ERC2: variants seen among roughly 807,000 people sequenced by gnomAD.
ERC2 encodes ELKS/RAB6-interacting/CAST family member 2.
ERC2 carries 42 observed loss-of-function variants against 114.8 expected under a neutral mutation model. That is an observed-to-expected ratio of 0.37 (90% confidence interval 0.29 to 0.47). The LOEUF (loss-of-function observed/expected upper bound fraction) is 0.47. Ranked by LOEUF, ERC2 falls within the 20% of genes least tolerant of loss-of-function variation. The pLI, the probability that ERC2 is intolerant of heterozygous loss-of-function variation, is 0.99. For missense variants in ERC2, 939 were observed against 1,150.7 expected (o/e 0.82, Z 2.66); for synonymous variants, 454 against 425.5 (o/e 1.07, Z -0.82).
intron 7 of ERC2, among the ~76,000 whole-genome samples, chr3:56,044,056 C>T (rs868748953): frequency 1.3e-5 from 2 of 152,146 alleles, no homozygotes; most frequent in African/African-American, 4.8e-5. Flanking sequence ...CTTTACAATT[C>T]GGCTGAAAAC....
At chr3:55,833,550 A>T (rs2060720863) in intron 14 of ERC2, among the ~76,000 whole-genome samples, 1 of 152,214 alleles carries the variant, frequency 6.6e-6, no homozygotes, top group Non-Finnish European at 1.5e-5. Context: ...TTTACAGACA[A>T]GCAAATGCTG....
rs140132718 is a variant in ERC2 at position 55,639,927 on chromosome 3, C to T, written c.*39+43867G>A. 2.3e-3 allele frequency among the ~76,000 whole-genome samples: 352 copies of T among 152,206 alleles called. 2 individuals carry two copies. Among genetic ancestry groups the T allele is most frequent in the African/African-American group, 8.3e-3 (344 of 41,540 alleles). On this transcript the variant is annotated intron_variant, in intron 17 of 17. Coordinates refer to ENST00000288221, the MANE Select transcript of ERC2 (RefSeq NM_015576.3). ...CAAGGCTGAGGGAGAAGAGGTGGTGCGACACTCAAAGTCTCACCGTTGCCT... is the reference window on the plus strand; with the variant it reads ...CAAGGCTGAGGGAGAAGAGGTGGTGTGACACTCAAAGTCTCACCGTTGCCT...
intron 2 of ERC2, among the ~76,000 whole-genome samples, chr3:56,373,334 G>C (rs1386765044): frequency 6.6e-6 from 1 of 152,164 alleles, no homozygotes; most frequent in African/African-American, 2.4e-5. Flanking sequence ...GAAGAAGTAG[G>C]TTCAGTAACT....
chr3:55,794,097 C>G (rs988547814), intron 14 of ERC2, among the ~76,000 whole-genome samples: 1 of 152,148 alleles, frequency 6.6e-6, no homozygotes, highest in African/African-American at 2.4e-5. Context: ...TGTTATGGCA[C>G]CCTCTTTTAT....
At chr3:56,358,774 G>C (rs2058838504) in intron 2 of ERC2, among the ~76,000 whole-genome samples, 1 of 152,244 alleles carries the variant, frequency 6.6e-6, no homozygotes, top group Non-Finnish European at 1.5e-5. Context: ...AATGGTGCTT[G>C]CCTCATGAGC....
chr3:56,007,397 T>C, intron 9 of ERC2, 76 bp from the exon 10 acceptor site: 6 of 1,299,998 alleles, frequency 4.6e-6, no homozygotes, highest in Non-Finnish European at 4.3e-6. Flanking sequence ...ACACATTGAT[T>C]CTATACATAG....
intron 17 of ERC2, among the ~76,000 whole-genome samples, chr3:55,631,258 C>G (rs951531519): frequency 3.3e-5 from 5 of 151,968 alleles, no homozygotes; most frequent in Non-Finnish European, 7.4e-5. Flanking sequence ...GTACCAGGGA[C>G]ACAATGGGCT....
Position 56,090,728 on chromosome 3 carries a change from C to T in ERC2, c.1474-9744G>A, listed in dbSNP as rs116386389. 4.8e-3 allele frequency among the ~76,000 whole-genome samples: 715 copies of T among 149,782 alleles called. 5 individuals are homozygous for T. Among genetic ancestry groups the T allele is most frequent in the African/African-American group, 0.016 (668 of 40,618 alleles). On this transcript the variant is annotated intron_variant, in intron 6 of 17. Transcript: ENST00000288221. ...GGTGAGGTTTGGGTCTTCTAGAGTA[C>T]GCATCACCCAAATAGTGAACATTGT...
intron 2 of ERC2, among the ~76,000 whole-genome samples, chr3:56,425,416 C>T (rs2061530029): frequency 6.6e-6 from 1 of 152,160 alleles, no homozygotes; most frequent in African/African-American, 2.4e-5. Flanking sequence ...CAGAGGCAGA[C>T]ATTGAGAACC....
chr3:55,925,904 T>C (rs2065720756), intron 13 of ERC2, among the ~76,000 whole-genome samples: 1 of 152,192 alleles, frequency 6.6e-6, no homozygotes, highest in Non-Finnish European at 1.5e-5. Flanking sequence ...ATCACATGTG[T>C]GTCTGTGTGT....
At chr3:55,795,292 T>C (rs2070383179) in intron 14 of ERC2, among the ~76,000 whole-genome samples, 1 of 152,222 alleles carries the variant, frequency 6.6e-6, no homozygotes, top group African/African-American at 2.4e-5. Context: ...CCCCTGTCAG[T>C]TGGAATTTAG....
At chr3:56,431,736 G>A (rs1469087651) in intron 2 of ERC2, among the ~76,000 whole-genome samples, 1 of 152,048 alleles carries the variant, frequency 6.6e-6, no homozygotes, top group Non-Finnish European at 1.5e-5. Context: ...ACATCATATT[G>A]CAAGTAAATT....
At chr3:55,675,113 G>A (rs188315253) in intron 17 of ERC2, among the ~76,000 whole-genome samples, 48 of 152,276 alleles carry the variant, frequency 3.2e-4, no homozygotes, top group African/African-American at 8.9e-4. Context: ...TTGAACACAC[G>A]AGCACCTTAG....
chr3:55,784,448 G>A (rs555892512), intron 14 of ERC2, among the ~76,000 whole-genome samples: 2 of 152,182 alleles, frequency 1.3e-5, no homozygotes, highest in African/African-American at 4.8e-5. Flanking sequence ...AAAAAAGGCT[G>A]CCTAGTGAGG....
At chr3:56,140,253 G>C (rs2080773732) in intron 5 of ERC2, among the ~76,000 whole-genome samples, 1 of 152,030 alleles carries the variant, frequency 6.6e-6, no homozygotes, top group Admixed American at 6.6e-5. Context: ...AAGATCACTA[G>C]AATTACCCAT....
intron 3 of ERC2, among the ~76,000 whole-genome samples, chr3:56,278,007 C>T (rs965579590): frequency 2.3e-4 from 35 of 152,128 alleles, no homozygotes; most frequent in Non-Finnish European, 3.8e-4. Context: ...CCTGTGACTC[C>T]ATTGCTTCAT....
chr3:55,938,897 T>G (rs1386699649), intron 13 of ERC2, among the ~76,000 whole-genome samples: 1 of 152,222 alleles, frequency 6.6e-6, no homozygotes, highest in African/African-American at 2.4e-5. Context: ...ATTTTATATT[T>G]TAAACCTGGA....
intron 17 of ERC2, among the ~76,000 whole-genome samples, chr3:55,640,591 A>T (rs1222748249): frequency 1.3e-5 from 2 of 152,238 alleles, no homozygotes; most frequent in Non-Finnish European, 2.9e-5. Context: ...GAACCAGTCC[A>T]TGATAAGGTT....
chr3:55,819,061 C>T (rs776160521), intron 14 of ERC2, among the ~76,000 whole-genome samples: 3 of 152,134 alleles, frequency 2.0e-5, no homozygotes, highest in Non-Finnish European at 2.9e-5. Flanking sequence ...CTTAATGGTC[C>T]TTCTCTGCTG....
Sources: gnomAD v4.1 joint callset for allele counts (sites outside exome capture counted in the v4.1 genomes callset) on GRCh38, gnomAD v4.1.1 for gene constraint, MANE v1.5 for transcripts, NCBI Gene and HGNC (gene_info 2026-07-23, HGNC 2026-07-21) for gene names.